Variants in DLC1 observed in about 807,000 individuals in gnomAD.
DLC1 encodes DLC1 Rho GTPase activating protein.
DLC1 carries 54 observed loss-of-function variants against 140.3 expected under a neutral mutation model. The ratio of observed to expected loss-of-function variants is 0.38; its 90% CI spans 0.31 to 0.48. The LOEUF is 0.48. Ranked by LOEUF, DLC1 falls within the 20% of genes least tolerant of loss-of-function variation. The pLI is 0.96. For synonymous variants in DLC1, 986 were observed against 728.1 expected (o/e 1.35, Z -5.70); for missense variants, 2,536 against 1,907.0 (o/e 1.33, Z -6.14).
intron 4 of DLC1, among the ~76,000 whole-genome samples, chr8:13,314,938 C>A (rs1205467723): frequency 6.6e-6 from 1 of 152,082 alleles, no homozygotes; most frequent in African/African-American, 2.4e-5. Flanking sequence ...CGTGGTCTAA[C>A]CTAAAATGTA....
chr8:13,210,528 T>A (rs1040125002), intron 5 of DLC1, among the ~76,000 whole-genome samples: 2 of 152,190 alleles, frequency 1.3e-5, no homozygotes, highest in African/African-American at 4.8e-5. Flanking sequence ...ACAGAAGCAA[T>A]AAGATTTGCT....
At chr8:13,292,529 C>T (rs1831795681) in intron 5 of DLC1, among the ~76,000 whole-genome samples, 1 of 152,106 alleles carries the variant, frequency 6.6e-6, no homozygotes, top group Non-Finnish European at 1.5e-5. Context: ...CCTTAATGTC[C>T]CCCTTTGGGT....
chr8:13,300,424 C>T (rs184746700), intron 5 of DLC1, among the ~76,000 whole-genome samples: 4 of 152,284 alleles, frequency 2.6e-5, no homozygotes, highest in East Asian at 1.9e-4. Flanking sequence ...GCACATGTAT[C>T]GCAGAACATC....
intron 8 of DLC1, 62 bp from the exon 9 acceptor site, chr8:13,100,832 TG>T: frequency 6.7e-7 from 1 of 1,498,742 alleles, no homozygotes; most frequent in Non-Finnish European, 8.9e-7. Flanking sequence ...GAGCAGGGCA[TG>T]AGCAGGAGGC....
At chr8:13,392,317 C>G (rs34176391) in intron 4 of DLC1, among the ~76,000 whole-genome samples, 1 of 152,084 alleles carries the variant, frequency 6.6e-6, no homozygotes, top group Non-Finnish European at 1.5e-5. Flanking sequence ...TTCATGTAGC[C>G]TAGTGCATGG....
chr8:13,221,528 G>A (rs1370887672), intron 5 of DLC1, among the ~76,000 whole-genome samples: 6 of 150,816 alleles, frequency 4.0e-5, no homozygotes, highest in African/African-American at 1.2e-4. Flanking sequence ...GCACCACCAC[G>A]CCCAGCTAAC....
Position 13,092,609 on chromosome 8 carries a change from T to C in DLC1, c.3740+3A>G. 6.2e-7 allele frequency: 1 copy of C among 1,613,968 alleles called. No individual in the cohort carries two copies. Among genetic ancestry groups the C allele is most frequent in the Non-Finnish European group, 8.5e-7 (1 of 1,179,986 alleles). On this transcript the variant is annotated splice_donor_region_variant and intron_variant, in intron 13 of 17. Coordinates refer to ENST00000276297, the MANE Select transcript of DLC1 (RefSeq NM_182643.3). ...GTGCATGCACCTCCCATGCAGCCCG[T>C]ACCTGGGAGAGGAATTCTCTCTCTT...
intron 1 of DLC1, among the ~76,000 whole-genome samples, chr8:13,553,076 A>G (rs997072170): frequency 1.6e-4 from 24 of 151,256 alleles, no homozygotes; most frequent in African/African-American, 5.6e-4. Context: ...TGCAATAGTT[A>G]TCAACACACA....
intron 5 of DLC1, among the ~76,000 whole-genome samples, chr8:13,184,382 T>A (rs1259975087): frequency 6.6e-6 from 1 of 152,218 alleles, no homozygotes; most frequent in Admixed American, 6.5e-5. Context: ...TTCTTTTAAT[T>A]GTGATGTTAC....
chr8:13,291,873 A>T (rs1831769203), intron 5 of DLC1, among the ~76,000 whole-genome samples: 1 of 152,182 alleles, frequency 6.6e-6, no homozygotes. Flanking sequence ...CTGAAAAGCT[A>T]CCATAGACGA....
chr8:13,552,109 G>GTATATATATA (rs1414492996), intron 1 of DLC1, among the ~76,000 whole-genome samples: 1 of 18,522 alleles, frequency 5.4e-5, no homozygotes, highest in Non-Finnish European at 9.9e-5. Flanking sequence ...CTGTCTAGAG[G>GTATATATATA]TGTATATATA....
At chr8:13,287,690 C>G (rs566044023) in intron 5 of DLC1, among the ~76,000 whole-genome samples, 20 of 152,216 alleles carry the variant, frequency 1.3e-4, no homozygotes, top group African/African-American at 4.8e-4. Flanking sequence ...GGTATTTTTG[C>G]CTTTGGAATT....
intron 5 of DLC1, among the ~76,000 whole-genome samples, chr8:13,268,041 G>A (rs1420787236): frequency 6.6e-6 from 1 of 152,094 alleles, no homozygotes; most frequent in African/African-American, 2.4e-5. Context: ...CAGCCCATAT[G>A]TGCTAAACTC....
intron 4 of DLC1, among the ~76,000 whole-genome samples, chr8:13,375,293 C>T (rs1362254683): frequency 6.6e-6 from 1 of 152,144 alleles, no homozygotes; most frequent in South Asian, 2.1e-4. Flanking sequence ...TCCCAAAGTG[C>T]TGGGATTACA....
At chr8:13,431,731 C>T (rs78554578) in intron 2 of DLC1, among the ~76,000 whole-genome samples, 13 of 151,706 alleles carry the variant, frequency 8.6e-5, no homozygotes, top group East Asian at 3.9e-4. Context: ...TGGGTTAGAA[C>T]GGGTGATATG....
At chr8:13,264,247 A>G (rs1029944351) in intron 5 of DLC1, among the ~76,000 whole-genome samples, 5 of 151,100 alleles carry the variant, frequency 3.3e-5, no homozygotes, top group African/African-American at 9.7e-5. Flanking sequence ...TTTTTTTTGT[A>G]TTTTTAGTAG....
chr8:13,374,533 C>T (rs1440539507), intron 4 of DLC1, among the ~76,000 whole-genome samples: 1 of 152,104 alleles, frequency 6.6e-6, no homozygotes, highest in African/African-American at 2.4e-5. Flanking sequence ...GCCTGTAATC[C>T]CAGCACTGTG....
intron 4 of DLC1, among the ~76,000 whole-genome samples, chr8:13,364,024 G>T (rs1002094419): frequency 6.6e-6 from 1 of 152,126 alleles, no homozygotes; most frequent in Non-Finnish European, 1.5e-5. Flanking sequence ...GGGAGAGGTA[G>T]GGGTGTGTGT....
intron 1 of DLC1, among the ~76,000 whole-genome samples, chr8:13,552,789 C>A (rs1285091622): frequency 6.6e-6 from 1 of 151,720 alleles, no homozygotes; most frequent in Non-Finnish European, 1.5e-5. Flanking sequence ...GAAAAACTCA[C>A]ATGTATTGTC....
Sources: allele counts gnomAD v4.1 joint callset (sites outside exome capture counted in the v4.1 genomes callset), GRCh38; gene constraint gnomAD v4.1.1; transcripts MANE v1.5; gene names NCBI Gene and HGNC (gene_info 2026-07-23, HGNC 2026-07-21).